The following ABLIM1 variants were observed in gnomAD, a reference collection of about 807,000 sequenced individuals.
ABLIM1 encodes the protein actin-binding LIM protein 1.
A neutral mutation model predicts 107.0 loss-of-function variants in ABLIM1; 40 were observed. The ratio of observed to expected loss-of-function variants is 0.37; its 90% CI spans 0.29 to 0.49. The LOEUF (loss-of-function observed/expected upper bound fraction) is 0.49, where lower values mean the gene tolerates loss of function less well. Ranked by LOEUF, ABLIM1 falls within the 20% of genes least tolerant of loss-of-function variation. The pLI, the probability that ABLIM1 is intolerant of heterozygous loss-of-function variation, is 0.97. For missense variants in ABLIM1, 857 were observed against 1,008.5 expected, an observed-to-expected ratio of 0.85 and a Z score of 2.04; for synonymous variants, 357 against 357.3, an observed-to-expected ratio of 1.00 and a Z score of 0.01.
chr10:114,532,605 A>T (rs1056993992), intron 6 of ABLIM1, among the ~76,000 whole-genome samples: 1 of 152,216 alleles, frequency 6.6e-6, no homozygotes, highest in African/African-American at 2.4e-5. Flanking sequence ...GGAAAATTTC[A>T]TATCCTTAGC....
At chr10:114,567,916 C>T (rs938939465) in intron 4 of ABLIM1, among the ~76,000 whole-genome samples, 7 of 152,014 alleles carry the variant, frequency 4.6e-5, no homozygotes, top group African/African-American at 9.7e-5. Context: ...TTCGGCCGGG[C>T]GCGGTGGCTC....
intron 2 of ABLIM1, among the ~76,000 whole-genome samples, chr10:114,583,466 CACATATATATATATAT>C (rs1566009866): frequency 8.5e-4 from 6 of 7,086 alleles, no homozygotes; most frequent in Middle Eastern, 0.062. Context: ...CACACACACA[CACATATATATATATAT>C]ATATATATAT....
chr10:114,768,583 G>T (rs912414809), upstream of ABLIM1, among the ~76,000 whole-genome samples: 4 of 152,114 alleles, frequency 2.6e-5, no homozygotes, highest in Non-Finnish European at 5.9e-5. Flanking sequence ...GCCTGAGGGG[G>T]CTCAGCCCGC....
rs145869463 is a variant in ABLIM1 at position 114,672,811 on chromosome 10, C to A, written c.64+11479G>T. 2.9e-3 allele frequency among the ~76,000 whole-genome samples: 442 copies of A among 152,270 alleles called. 2 individuals are homozygous for A. Among genetic ancestry groups the A allele is most frequent in the African/African-American group, 0.01 (428 of 41,534 alleles). On this transcript the variant is annotated intron_variant, in intron 1 of 23. Coordinates refer to the ABLIM1 transcript ENST00000369256. ...ATAGTATAAGATAGTGATCAAGGTT[C>A]ATTTTTCCCCCACATAGATATCTCG...
At chr10:114,562,534 CCAAACAAA>C (rs1050928687) in intron 4 of ABLIM1, among the ~76,000 whole-genome samples, 15 of 152,200 alleles carry the variant, frequency 9.9e-5, no homozygotes, top group African/African-American at 2.4e-4. Context: ...ATCTCAAAAA[CCAAACAAA>C]CAAACAAACA....
chr10:114,761,191 T>A (rs1324230557), intron 1 of ABLIM1, among the ~76,000 whole-genome samples: 1 of 151,438 alleles, frequency 6.6e-6, no homozygotes, highest in African/African-American at 2.4e-5. Flanking sequence ...AAAGATGAAA[T>A]GAAGAAGTCT....
At chr10:114,541,481 C>A (rs971637130) in intron 6 of ABLIM1, among the ~76,000 whole-genome samples, 1 of 151,890 alleles carries the variant, frequency 6.6e-6, no homozygotes, top group Non-Finnish European at 1.5e-5. Flanking sequence ...CATGAGAGGC[C>A]GAGGGAGGAG....
rs374127138 is a variant in ABLIM1, at chr10:114,545,086, C to T, written c.813G>A (p.Pro271=). The T allele has an allele frequency of 3.2e-5, 51 of 1,614,024 alleles. No individual in the cohort carries two copies. The highest frequency in any genetic ancestry group is 2.7e-4 in the Admixed American group (16 of 59,994). ...GTCCCTGGTAGTCCTTTTCACAGTA[C>T]GGAGCACCATCCCTGCAAGACAAAA... ...TGEYISKDGA[P]YCEKDYQGLF... The change falls in exon 6 of 23, where the codon CCG becomes CCA. Residue 271 remains proline, a synonymous_variant. Transcript: ENST00000533213.
chr10:114,707,618 G>T lies in ABLIM1; in HGVS notation c.-213+60443C>A, dbSNP rs972712655. Among the ~76,000 whole-genome samples the T allele has an allele frequency of 6.6e-6, 1 of 152,076 alleles. No homozygotes were observed. Among genetic ancestry groups the T allele is most frequent in the Non-Finnish European group, 1.5e-5 (1 of 68,024 alleles). ...TACTAGTCATAAAAAACTAATTACC[G>T]GCCGGGCACGGTGGCTCACACTTAT... On this transcript the variant is annotated intron_variant, in intron 1 of 15. Transcript: ENST00000651092. This position sits in a 1 kb window ranked among gnomAD's most constrained non-coding sequence, Gnocchi z 4.1.
intron 1 of ABLIM1, among the ~76,000 whole-genome samples, chr10:114,759,304 T>G (rs377656597): frequency 6.6e-6 from 1 of 152,130 alleles, no homozygotes; most frequent in Admixed American, 6.6e-5. Flanking sequence ...ATCAAGTAGG[T>G]TGTGAGTCCA....
chr10:114,508,341 A>T (rs1201042750), intron 6 of ABLIM1, among the ~76,000 whole-genome samples: 1 of 152,132 alleles, frequency 6.6e-6, no homozygotes, highest in African/African-American at 2.4e-5. Context: ...GCAGGAGGAG[A>T]TGGTTACATT....
At chr10:114,789,561 C>G in the ABLIM1 span, among the ~76,000 whole-genome samples, 2 of 152,044 alleles carry the variant, frequency 1.3e-5, no homozygotes, top group African/African-American at 4.8e-5. Context: ...ATAAATGTTC[C>G]CTTTTCTCTG....
chr10:114,526,518 TA>T, intron 6 of ABLIM1: 2 of 498,290 alleles, frequency 4.0e-6, no homozygotes, highest in Non-Finnish European at 5.2e-6. Flanking sequence ...GTCAGGGCAA[TA>T]AAAGTGACTT....
chr10:114,436,220 A>G lies in ABLIM1; in HGVS notation c.*40T>C, dbSNP rs761938664. ...ATATGACATCCTATGGGGCACCGCCACTGTCAGTCCTTTCTCTAATTGCCA... is the reference window on the plus strand; with the variant it reads ...ATATGACATCCTATGGGGCACCGCCGCTGTCAGTCCTTTCTCTAATTGCCA... On this transcript the variant is annotated 3_prime_UTR_variant, in exon 23 of 23. Coordinates refer to ENST00000533213, the MANE Select transcript of ABLIM1 (RefSeq NM_002313.7). 4 of 1,535,010 alleles carry G rather than the reference A, an allele frequency of 2.6e-6. No individual in the cohort carries two copies. In the East Asian group the frequency reaches 9.0e-5, roughly 35 times the overall value.
In ABLIM1 at chr10:114,715,331, A is replaced by G. The variant is rs542083270; in HGVS notation, c.-213+52730T>C. ...AAACACCATTAATTTTTACAAACAC[A>G]CCAAAGATCAGTATCCGAGCCCCTT... On this transcript the variant is annotated intron_variant, in intron 1 of 15. Coordinates refer to the ABLIM1 transcript ENST00000651092. Among the ~76,000 whole-genome samples, 4 of 152,254 alleles carry G rather than the reference A, an allele frequency of 2.6e-5. No individual in the cohort carries two copies. The South Asian group carries it at 8.3e-4, about 32-fold the overall frequency.
chr10:114,471,963 G>A (rs1204202779), intron 10 of ABLIM1, among the ~76,000 whole-genome samples: 1 of 152,010 alleles, frequency 6.6e-6, no homozygotes, highest in Admixed American at 6.5e-5. Flanking sequence ...TGGGTAGGAA[G>A]CGACCACAGA....
At chr10:114,737,764 T>C (rs1430080891) in intron 1 of ABLIM1, among the ~76,000 whole-genome samples, 2 of 152,148 alleles carry the variant, frequency 1.3e-5, no homozygotes, top group East Asian at 3.9e-4. Context: ...TTTCAAATGA[T>C]TATGGTCTCA....
chr10:114,615,126 T>A (rs776937391), intron 1 of ABLIM1, among the ~76,000 whole-genome samples: 18 of 151,982 alleles, frequency 1.2e-4, no homozygotes, highest in Non-Finnish European at 2.4e-4. Context: ...TGTCAACTCA[T>A]TTGTTAAATC....
chr10:114,639,945 A>G (rs2078663256), intron 1 of ABLIM1, among the ~76,000 whole-genome samples: 1 of 152,220 alleles, frequency 6.6e-6, no homozygotes, highest in African/African-American at 2.4e-5. Flanking sequence ...AAGGTGTGTT[A>G]TATCCATAAC....
Sources: gnomAD v4.1 joint callset for allele counts (sites outside exome capture counted in the v4.1 genomes callset) on GRCh38, gnomAD v4.1.1 for gene constraint, Gnocchi (gnomAD v3.1) non-coding constraint, MANE v1.5 for transcripts, NCBI Gene and HGNC (gene_info 2026-07-23, HGNC 2026-07-21) for gene names.